BBS7: variants seen among roughly 807,000 people sequenced by gnomAD.
The protein encoded by BBS7 is Bardet-Biedl syndrome 7, also known as BBSome complex member BBS7.
BBS7 carries 50 observed loss-of-function variants against 90.3 expected under a neutral mutation model. The observed-to-expected ratio is 0.55, with a 90% CI of 0.44 to 0.70. The LOEUF (loss-of-function observed/expected upper bound fraction) is 0.70. BBS7 is among the 30% of genes least tolerant of loss of function. The pLI, the probability that BBS7 is intolerant of heterozygous loss-of-function variation, is 0.00. For missense variants in BBS7, 729 were observed against 838.9 expected, an observed-to-expected ratio of 0.87 and a Z score of 1.62; for synonymous variants, 235 against 287.4, an observed-to-expected ratio of 0.82 and a Z score of 1.85.
At chr4:121,851,308 T>C (rs1245961791) in intron 8 of BBS7, among the ~76,000 whole-genome samples, 1 of 151,034 alleles carries the variant, frequency 6.6e-6, no homozygotes, top group African/African-American at 2.4e-5. Flanking sequence ...ATTTATCTTA[T>C]GTACTTATAT....
In BBS7 at chr4:121,828,162, A is replaced by T; in HGVS notation, c.1998T>A (p.His666Gln). The T allele has an allele frequency of 6.2e-7, 1 of 1,613,834 alleles. No homozygotes were observed. Among genetic ancestry groups the T allele is most frequent in the Non-Finnish European group, 8.5e-7 (1 of 1,179,862 alleles). Reference sequence around the variant, plus strand: ...TCCACTAACCATAGAGTCTTTCAAGATGTGCAGGTTGCTTTTTGTATTCTT... The same window carrying T: ...TCCACTAACCATAGAGTCTTTCAAGTTGTGCAGGTTGCTTTTTGTATTCTT... ...LQEEYKKQPAHLERLYGMITD... is the reference protein window; with the variant it reads ...LQEEYKKQPAQLERLYGMITD... The change falls in exon 18 of 19, where the codon CAT (histidine) becomes CAA (glutamine). Residue 666 changes from histidine to glutamine, a missense_variant. Physicochemically the swap from His to Gln is conservative, Grantham distance 24. Coordinates refer to ENST00000264499, the MANE Select transcript of BBS7 (RefSeq NM_176824.3).
chr4:121,827,418 G>A (rs532918432), intron 18 of BBS7, among the ~76,000 whole-genome samples: 11 of 152,240 alleles, frequency 7.2e-5, no homozygotes, highest in Non-Finnish European at 1.3e-4. Context: ...AACTTGCTAG[G>A]TGACAACAAA....
Position 121,835,167 on chromosome 4 carries a change from T to A in BBS7, c.1488A>T (p.Arg496Ser). ...ACCTGTCATGATCAATAAAGTGAGTTCTTTGATGGAGTGAAAGAGGTTTGA... is the reference window on the plus strand; with the variant it reads ...ACCTGTCATGATCAATAAAGTGAGTACTTTGATGGAGTGAAAGAGGTTTGA... ...YHIKPLSLHQ[R>S]THFIDHDRPM... Residue 496 changes from arginine (R) to serine (S), a missense_variant, in exon 14 of 19, where the codon AGA becomes AGT. Arg to Ser is a moderately radical substitution (Grantham distance 110). Coordinates refer to ENST00000264499, the MANE Select transcript of BBS7 (RefSeq NM_176824.3). 3 of 1,613,940 alleles carry A rather than the reference T, an allele frequency of 1.9e-6. No homozygotes were observed. The highest frequency in any genetic ancestry group is 2.5e-6 in the Non-Finnish European group (3 of 1,179,850).
intron 12 of BBS7, among the ~76,000 whole-genome samples, chr4:121,839,911 TTAAA>T (rs1220635553): frequency 6.6e-6 from 1 of 152,158 alleles, no homozygotes; most frequent in Non-Finnish European, 1.5e-5. Flanking sequence ...TTATGAGGAG[TTAAA>T]TAAAAGCCAT....
intron 5 of BBS7, among the ~76,000 whole-genome samples, chr4:121,856,186 A>T (rs571033288): frequency 6.6e-6 from 1 of 152,314 alleles, no homozygotes; most frequent in Non-Finnish European, 1.5e-5. Context: ...TTACTTCCTA[A>T]GGAAAATTTT....
intron 13 of BBS7, among the ~76,000 whole-genome samples, chr4:121,838,624 A>G (rs961923720): frequency 6.6e-6 from 1 of 152,152 alleles, no homozygotes; most frequent in Non-Finnish European, 1.5e-5. Flanking sequence ...TTCAGATGGT[A>G]GGAAAATATA....
chr4:121,864,544 A>C (rs187602148), intron 2 of BBS7, among the ~76,000 whole-genome samples: 49 of 152,316 alleles, frequency 3.2e-4, no homozygotes, highest in African/African-American at 1.2e-3. Flanking sequence ...ACATGTAATA[A>C]TTTTTTTAAA....
chr4:121,841,443 T>C (rs1323360752), intron 12 of BBS7, among the ~76,000 whole-genome samples: 2 of 152,148 alleles, frequency 1.3e-5, no homozygotes, highest in Non-Finnish European at 2.9e-5. Context: ...CATATGCCTA[T>C]GGTCCTACGT....
intron 4 of BBS7, 144 bp downstream of exon 4, chr4:121,861,360 A>C (rs1726968208): frequency 1.3e-6 from 1 of 775,838 alleles, no homozygotes; most frequent in Non-Finnish European, 2.0e-6. Context: ...ATTGTAGGTC[A>C]AATTTAGTTT....
At chr4:121,833,194 A>G in intron 15 of BBS7, 37 bp downstream of exon 15, 3 of 1,603,842 alleles carry the variant, frequency 1.9e-6, no homozygotes, top group Non-Finnish European at 2.6e-6. Context: ...CATTTATATA[A>G]AACAACACTT....
intron 2 of BBS7, among the ~76,000 whole-genome samples, chr4:121,863,553 T>G (rs1004053078): frequency 2.0e-5 from 3 of 152,168 alleles, no homozygotes; most frequent in Non-Finnish European, 4.4e-5. Context: ...TTTTTCAACT[T>G]TTATTGTAGG....
chr4:121,844,993 A>G (rs972321000), intron 11 of BBS7, among the ~76,000 whole-genome samples: 2 of 152,236 alleles, frequency 1.3e-5, no homozygotes, highest in Non-Finnish European at 2.9e-5. Context: ...AAGTACATAA[A>G]TAAAAAGTAA....
At chr4:121,869,542 C>CT (rs1393048271) in intron 1 of BBS7, among the ~76,000 whole-genome samples, 1 of 152,046 alleles carries the variant, frequency 6.6e-6, no homozygotes, top group Non-Finnish European at 1.5e-5. Context: ...GTTGTCATTG[C>CT]TTTTTTTCCC....
At position 121,870,406 on chromosome 4, in the gene BBS7, C is replaced by A; in HGVS notation, c.-93G>T. 6.8e-7 allele frequency: 1 copy of A among 1,480,370 alleles called. No individual in the cohort carries two copies. The highest frequency in any genetic ancestry group is 9.4e-7 in the Non-Finnish European group (1 of 1,065,096). 91.7% of individuals were successfully genotyped at this position (1,480,370 alleles called of 1,614,324 possible). A position where few individuals can be genotyped will look rare whatever the true frequency, so the allele number is the denominator to read the frequency against. On this transcript the variant is annotated 5_prime_UTR_variant, in exon 1 of 19. Transcript: ENST00000264499. ...GGCCTCCGACCCAGTCAGAAGGCTG[C>A]CCGCGCCCCTCAAAAGCCAGCCCCA...
At chr4:121,836,713 TC>T (rs1725465610) in intron 13 of BBS7, among the ~76,000 whole-genome samples, 1 of 152,124 alleles carries the variant, frequency 6.6e-6, no homozygotes, top group Non-Finnish European at 1.5e-5. Flanking sequence ...ATTAATAGAT[TC>T]CCCCAAAGGA....
Position 121,825,943 on chromosome 4 carries a change from C to G in BBS7, c.2065G>C (p.Val689Leu). 6.2e-7 allele frequency: 1 copy of G among 1,609,712 alleles called. No homozygotes were observed. Among genetic ancestry groups the G allele is most frequent in the Non-Finnish European group, 8.5e-7 (1 of 1,176,554 alleles). ...IDKFKFKGTN[V>L]KTKVPLLLEI... ...AATAGAAGGGGTACTTTAGTTTTTA[C>G]ATTGGTGCCTTTAAACTTAAATTTA... Residue 689 changes from valine to leucine, a missense_variant, in exon 19 of 19, where the codon GTA (valine) becomes CTA (leucine). By Grantham distance (32) the Val-to-Leu change is conservative (BLOSUM62 1). Transcript: ENST00000264499.
chr4:121,863,062 T>G (rs1411959408), intron 3 of BBS7, among the ~76,000 whole-genome samples, 155 bp downstream of exon 3: 1 of 152,206 alleles, frequency 6.6e-6, no homozygotes, highest in East Asian at 1.9e-4. Context: ...AAATTACTTT[T>G]GTGCTACCCG....
chr4:121,829,115 C>T (rs928791666), intron 15 of BBS7, among the ~76,000 whole-genome samples: 1 of 152,254 alleles, frequency 6.6e-6, no homozygotes, highest in Admixed American at 6.5e-5. Context: ...ACACAAATTA[C>T]AGTGTGACTA....
intron 7 of BBS7, among the ~76,000 whole-genome samples, chr4:121,853,901 C>T (rs984198255): frequency 6.2e-4 from 94 of 152,266 alleles, no homozygotes; most frequent in African/African-American, 2.1e-3. Flanking sequence ...CGCATTTAGC[C>T]AAACTGACTG....
Sources: gnomAD v4.1 joint callset for allele counts (sites outside exome capture counted in the v4.1 genomes callset) on GRCh38, gnomAD v4.1.1 for gene constraint, MANE v1.5 for transcripts, NCBI Gene and HGNC (gene_info 2026-07-23, HGNC 2026-07-21) for gene names.